Variants in ALPK1 observed in about 807,000 individuals in gnomAD.
ALPK1 encodes alpha-protein kinase 1.
In ALPK1, 110 loss-of-function variants were observed where a neutral mutation model predicts 120.6. That is an observed-to-expected ratio of 0.91 (90% CI 0.78 to 1.07). The LOEUF is 1.07. Ranked by LOEUF, ALPK1 falls within the 50% of genes least tolerant of loss-of-function variation. The pLI, the probability that ALPK1 is intolerant of heterozygous loss-of-function variation, is 0.00. For synonymous variants in ALPK1, 582 were observed against 560.3 expected, an observed-to-expected ratio of 1.04 and a Z score of -0.55; for missense variants, 1,498 against 1,483.9, an observed-to-expected ratio of 1.01 and a Z score of -0.16.
chr4:112,350,950 C>G (rs1348344633), intron 2 of ALPK1, among the ~76,000 whole-genome samples: 3 of 152,062 alleles, frequency 2.0e-5, no homozygotes, highest in Admixed American at 2.0e-4. Context: ...TGCAGAAATG[C>G]CAAGAAAACT....
At chr4:112,356,612 C>T in intron 2 of ALPK1, 1 of 783,310 alleles carries the variant, frequency 1.3e-6, no homozygotes, top group Non-Finnish European at 2.3e-6. Context: ...TGAAGATCCA[C>T]TTGTGCCGCA....
intron 2 of ALPK1, among the ~76,000 whole-genome samples, chr4:112,373,504 A>C (rs1578511671): frequency 6.6e-6 from 1 of 152,208 alleles, no homozygotes; most frequent in Admixed American, 6.5e-5. Context: ...GAAGTATCCC[A>C]AACAGAAAAG....
intron 2 of ALPK1, among the ~76,000 whole-genome samples, chr4:112,319,436 C>A (rs1363596431): frequency 1.1e-4 from 17 of 152,114 alleles, no homozygotes; most frequent in Admixed American, 1.1e-3. Flanking sequence ...ATACCAACAC[C>A]ATGCTGTTTT....
chr4:112,366,513 C>A (rs1171776249), intron 2 of ALPK1, among the ~76,000 whole-genome samples: 1 of 152,172 alleles, frequency 6.6e-6, no homozygotes, highest in Admixed American at 6.5e-5. Flanking sequence ...CCACCTTACT[C>A]CTGCAAGAAT....
chr4:112,360,400 A>G (rs185329937), intron 2 of ALPK1, among the ~76,000 whole-genome samples: 1 of 152,248 alleles, frequency 6.6e-6, no homozygotes, highest in East Asian at 1.9e-4. Flanking sequence ...AAGTGCAGAA[A>G]TCTCTTCTAT....
chr4:112,349,702 T>C (rs1392730549), intron 2 of ALPK1, among the ~76,000 whole-genome samples: 5 of 152,022 alleles, frequency 3.3e-5, no homozygotes, highest in Admixed American at 6.6e-5. Flanking sequence ...TACAGGCGTG[T>C]ACCACCACGC....
rs529286837 is a variant in ALPK1, at chr4:112,422,545, C to G, written c.476-1399C>G. Among the ~76,000 whole-genome samples the G allele has an allele frequency of 2.0e-5, 3 of 152,328 alleles. No homozygotes were observed. In the South Asian group the frequency reaches 6.2e-4, roughly 32 times the overall value. On this transcript the variant is annotated intron_variant, in intron 5 of 15. Coordinates refer to ENST00000650871, the MANE Select transcript of ALPK1 (RefSeq NM_025144.4). ...ATTTCTTCACTGCCTTTTGTCTCTGCAACACCCTTCAAGTCTCCAAAGTTT... is the reference window on the plus strand; with the variant it reads ...ATTTCTTCACTGCCTTTTGTCTCTGGAACACCCTTCAAGTCTCCAAAGTTT...
chr4:112,358,747 C>A (rs1390268934), intron 2 of ALPK1: 1 of 799,612 alleles, frequency 1.3e-6, no homozygotes, highest in African/African-American at 1.7e-5. Context: ...TCGGAGGAGC[C>A]CGTGGCTGGT....
chr4:112,377,988 T>TG, intron 3 of ALPK1, 90 bp downstream of exon 3: 1 of 1,334,488 alleles, frequency 7.5e-7, no homozygotes, highest in Non-Finnish European at 9.9e-7. Context: ...CTCTGCCCTA[T>TG]TTTTCTTCTC....
intron 5 of ALPK1, chr4:112,423,706 G>A: frequency 1.5e-6 from 1 of 647,306 alleles, no homozygotes; most frequent in African/African-American, 1.8e-5. Flanking sequence ...ACATACATAT[G>A]AATCTAATTT....
chr4:112,420,881 G>A (rs1397443397), intron 5 of ALPK1, among the ~76,000 whole-genome samples: 1 of 152,156 alleles, frequency 6.6e-6, no homozygotes, highest in Non-Finnish European at 1.5e-5. Context: ...CACGCAGGCT[G>A]GAGTGCAATG....
chr4:112,430,942 GGTGT>G lies in ALPK1; in HGVS notation c.1399_1402del (p.Cys467LysfsTer26). The G allele has an allele frequency of 6.2e-7, 1 of 1,614,020 alleles. No homozygotes were observed. Among genetic ancestry groups the G allele is most frequent in the Non-Finnish European group, 8.5e-7 (1 of 1,179,938 alleles). Reference sequence around the variant, plus strand: ...ACACCTATTCACAGCACCATACTTCGGTGTGTGAAGTATTTGAAAGTGATTGTGG... The same window carrying G: ...ACACCTATTCACAGCACCATACTTCGGTGAAGTATTTGAAAGTGATTGTGG... On this transcript the variant is annotated frameshift_variant, in exon 11 of 16. Transcript: ENST00000650871. LOFTEE classifies it high-confidence loss of function.
chr4:112,377,149 G>A (rs2023824), intron 2 of ALPK1, among the ~76,000 whole-genome samples: 8,215 of 152,158 alleles, frequency 0.054, 525 homozygotes, highest in African/African-American at 0.15. Flanking sequence ...ATTTTACTTG[G>A]TAATGTTCCT....
chr4:112,302,046 G>T (rs530127349), intron 1 of ALPK1, among the ~76,000 whole-genome samples: 26 of 152,028 alleles, frequency 1.7e-4, no homozygotes, highest in African/African-American at 6.0e-4. Flanking sequence ...CTGAGACAGG[G>T]TCTAGCTCTC....
chr4:112,306,980 C>T (rs1323066827), intron 1 of ALPK1, among the ~76,000 whole-genome samples: 1 of 152,108 alleles, frequency 6.6e-6, no homozygotes, highest in East Asian at 1.9e-4. Flanking sequence ...CAAAGAACAT[C>T]TTTATATCTG....
At chr4:112,359,214 C>A (rs1730795670) in intron 2 of ALPK1, 3 of 588,816 alleles carry the variant, frequency 5.1e-6, no homozygotes, top group South Asian at 1.8e-5. Flanking sequence ...TGGCAGCCAC[C>A]CACAGTGGGG....
At chr4:112,376,537 A>C (rs79543820) in intron 2 of ALPK1, among the ~76,000 whole-genome samples, 3,467 of 152,334 alleles carry the variant, frequency 0.023, 48 homozygotes, top group Admixed American at 0.032. Context: ...CAGAATAGAA[A>C]ATGAGAGAGG....
intron 2 of ALPK1, among the ~76,000 whole-genome samples, chr4:112,362,267 G>A (rs1265607073): frequency 1.3e-5 from 2 of 152,208 alleles, no homozygotes; most frequent in Non-Finnish European, 1.5e-5. Flanking sequence ...AAAGAATTCA[G>A]AAGGTCGATT....
intron 3 of ALPK1, among the ~76,000 whole-genome samples, chr4:112,380,601 T>A (rs1360320868): frequency 6.6e-6 from 1 of 152,166 alleles, no homozygotes; most frequent in African/African-American, 2.4e-5. Context: ...CCAAGTTAGA[T>A]TTTCTCTCTC....
Sources: allele counts gnomAD v4.1 joint callset (sites outside exome capture counted in the v4.1 genomes callset), GRCh38; gene constraint gnomAD v4.1.1; transcripts MANE v1.5; gene names NCBI Gene and HGNC (gene_info 2026-07-23, HGNC 2026-07-21).